The following RIN2 variants were observed in gnomAD, a reference collection of about 807,000 sequenced individuals.
RIN2 encodes Ras and Rab interactor 2.
Under a neutral mutation model 78.0 loss-of-function variants are expected in RIN2, and 36 were observed. That is an observed-to-expected ratio of 0.46 (90% CI 0.35 to 0.61). RIN2 has a LOEUF of 0.61. Among genes scored for constraint, RIN2 ranks in the 20% least tolerant of loss-of-function variants. The pLI, the probability that RIN2 is intolerant of heterozygous loss-of-function variation, is 0.00. For missense variants in RIN2, 1,087 were observed against 1,159.7 expected (o/e 0.94, Z 0.91); for synonymous variants, 466 against 466.8 (o/e 1.00, Z 0.02).
Position 19,770,698 on chromosome 20 carries a change from C to G in RIN2, c.-163+12371C>G, listed in dbSNP as rs540686375. On this transcript the variant is annotated intron_variant, in intron 1 of 12. Coordinates refer to ENST00000255006, the MANE Select transcript of RIN2 (RefSeq NM_018993.4). Reference sequence around the variant, plus strand: ...TCCATGTTTTCACGTATAACCTGTACGTGAAAAAAACAAAAACGTGTTTTT... The same window carrying G: ...TCCATGTTTTCACGTATAACCTGTAGGTGAAAAAAACAAAAACGTGTTTTT... Among the ~76,000 whole-genome samples the G allele has an allele frequency of 7.9e-4, 120 of 152,212 alleles. 1 individual carries two copies. Among genetic ancestry groups the G allele is most frequent in the Admixed American group, 2.3e-3 (35 of 15,294 alleles).
At chr20:19,782,652 T>C (rs2122540675) in intron 1 of RIN2, among the ~76,000 whole-genome samples, 1 of 152,276 alleles carries the variant, frequency 6.6e-6, no homozygotes, top group Non-Finnish European at 1.5e-5. Flanking sequence ...CCCCAAGAAT[T>C]GGAAAAAGCC....
At chr20:19,815,671 A>C (rs1458431153) in intron 2 of RIN2, among the ~76,000 whole-genome samples, 2 of 152,126 alleles carry the variant, frequency 1.3e-5, no homozygotes, top group Admixed American at 6.6e-5. Context: ...TCTTTGAGTT[A>C]ATGTGAATCA....
At chr20:19,966,844 G>C (rs1385048468) in intron 7 of RIN2, among the ~76,000 whole-genome samples, 1 of 152,144 alleles carries the variant, frequency 6.6e-6, no homozygotes, top group African/African-American at 2.4e-5. Flanking sequence ...TTAAGCCTGT[G>C]TAAGGAAATG....
intron 9 of RIN2, among the ~76,000 whole-genome samples, chr20:19,984,125 C>T (rs373710653): frequency 1.3e-5 from 2 of 151,326 alleles, no homozygotes; most frequent in Non-Finnish European, 2.9e-5. Context: ...CATGTTCTCA[C>T]TCATAGGTGG....
intron 3 of RIN2, among the ~76,000 whole-genome samples, chr20:19,916,691 C>T (rs1014963114): frequency 5.9e-5 from 9 of 152,198 alleles, no homozygotes; most frequent in Non-Finnish European, 1.0e-4. Flanking sequence ...TGGGGAACCC[C>T]GCATACTTTA....
At chr20:19,841,989 T>G (rs567084819) in intron 2 of RIN2, among the ~76,000 whole-genome samples, 1 of 152,344 alleles carries the variant, frequency 6.6e-6, no homozygotes, top group Non-Finnish European at 1.5e-5. Flanking sequence ...ACAGCTCTTA[T>G]AGCTAGAGAG....
At chr20:19,937,005 A>G (rs1321434791) in intron 4 of RIN2, among the ~76,000 whole-genome samples, 2 of 152,236 alleles carry the variant, frequency 1.3e-5, no homozygotes, top group Admixed American at 6.5e-5. Flanking sequence ...AACTTACGGA[A>G]TCTTCCTAGC....
intron 3 of RIN2, among the ~76,000 whole-genome samples, chr20:19,910,196 A>T (rs932092311): frequency 1.3e-5 from 2 of 151,352 alleles, no homozygotes; most frequent in African/African-American, 4.9e-5. Flanking sequence ...CTTTTTTTTG[A>T]GACAAGGTCT....
chr20:19,869,879 C>A (rs1200017228), intron 2 of RIN2, among the ~76,000 whole-genome samples: 1 of 151,562 alleles, frequency 6.6e-6, no homozygotes, highest in Non-Finnish European at 1.5e-5. Flanking sequence ...CAGTGCTGGA[C>A]CCAAGCAATT....
chr20:19,905,677 G>T (rs1248301010), intron 3 of RIN2, among the ~76,000 whole-genome samples: 1 of 152,190 alleles, frequency 6.6e-6, no homozygotes, highest in Non-Finnish European at 1.5e-5. Flanking sequence ...GAGCCCAGGA[G>T]TTCAAGGCTG....
At chr20:19,841,975 A>T (rs547487701) in intron 2 of RIN2, among the ~76,000 whole-genome samples, 2 of 152,228 alleles carry the variant, frequency 1.3e-5, no homozygotes, top group Non-Finnish European at 2.9e-5. Flanking sequence ...AGAAGATGTC[A>T]TCTACAGCTC....
chr20:19,907,509 G>A (rs1005120522), intron 3 of RIN2, among the ~76,000 whole-genome samples: 1 of 152,190 alleles, frequency 6.6e-6, no homozygotes, highest in Non-Finnish European at 1.5e-5. Context: ...AGCGAGGAAG[G>A]AAGGAAGTTC....
chr20:19,805,482 A>AGCAGTTCT (rs1165274650), intron 2 of RIN2, among the ~76,000 whole-genome samples: 1 of 151,990 alleles, frequency 6.6e-6, no homozygotes, highest in African/African-American at 2.4e-5. Context: ...GCTCACTGCA[A>AGCAGTTCT]CCTCCACCTC....
intron 1 of RIN2, among the ~76,000 whole-genome samples, chr20:19,780,554 C>T (rs367877617): frequency 1.3e-5 from 2 of 152,236 alleles, no homozygotes; most frequent in South Asian, 2.1e-4. Flanking sequence ...ACCATGAGTC[C>T]ACCCAGCAGC....
At chr20:19,930,042 G>C (rs766753865) in intron 3 of RIN2, among the ~76,000 whole-genome samples, 2 of 144,828 alleles carry the variant, frequency 1.4e-5, no homozygotes, top group Non-Finnish European at 3.0e-5. Flanking sequence ...TGCACTCTGG[G>C]ACAAGTGAGT....
intron 2 of RIN2, among the ~76,000 whole-genome samples, chr20:19,856,234 A>T (rs997085443): frequency 2.0e-5 from 3 of 152,204 alleles, no homozygotes; most frequent in African/African-American, 7.2e-5. Context: ...GCATGACGAC[A>T]TTCTGTGTCT....
chr20:19,937,172 A>G (rs950923919), intron 4 of RIN2, among the ~76,000 whole-genome samples: 3 of 152,228 alleles, frequency 2.0e-5, no homozygotes, highest in Non-Finnish European at 4.4e-5. Flanking sequence ...ATTTTGTCCA[A>G]TGGAGCTGTC....
intron 2 of RIN2, among the ~76,000 whole-genome samples, chr20:19,816,650 G>T (rs2122857702): frequency 6.6e-6 from 1 of 152,304 alleles, no homozygotes; most frequent in South Asian, 2.1e-4. Context: ...GGTAGAAGTT[G>T]CATGTGGTTG....
chr20:19,845,999 G>T (rs1044049384), intron 2 of RIN2, among the ~76,000 whole-genome samples: 12 of 152,068 alleles, frequency 7.9e-5, no homozygotes, highest in Non-Finnish European at 8.8e-5. Context: ...TTTCCCCATT[G>T]CTTGTTTTTG....
Sources: allele counts gnomAD v4.1 joint callset (sites outside exome capture counted in the v4.1 genomes callset), GRCh38; gene constraint gnomAD v4.1.1; transcripts MANE v1.5; gene names NCBI Gene and HGNC (gene_info 2026-07-23, HGNC 2026-07-21).